The following NRG3 variants were observed in gnomAD, a reference collection of about 807,000 sequenced individuals.
NRG3 encodes the protein neuregulin 3.
A neutral mutation model predicts 66.9 loss-of-function variants in NRG3; 31 were observed. That is an observed-to-expected ratio of 0.46 (90% CI 0.35 to 0.63). NRG3 has a LOEUF of 0.63. NRG3 is among the 20% of genes least tolerant of loss of function. The pLI is 0.00. For missense variants in NRG3, 910 were observed against 878.9 expected, an observed-to-expected ratio of 1.04 and a Z score of -0.45; for synonymous variants, 393 against 359.4, an observed-to-expected ratio of 1.09 and a Z score of -1.06.
At chr10:82,408,633 T>TTATATA (rs147352245) in intron 2 of NRG3, among the ~76,000 whole-genome samples, 425 of 122,808 alleles carry the variant, frequency 3.5e-3, no homozygotes, top group African/African-American at 0.011. Flanking sequence ...CATATATATA[T>TTATATA]TATATATATA....
At chr10:82,252,594 G>T (rs371511261) in intron 1 of NRG3, among the ~76,000 whole-genome samples, 44 of 152,232 alleles carry the variant, frequency 2.9e-4, no homozygotes, top group African/African-American at 9.9e-4. Context: ...TGCTCCTAAT[G>T]ATACTAATAA....
intron 3 of NRG3, among the ~76,000 whole-genome samples, chr10:82,758,497 A>C (rs2059169881): frequency 6.6e-6 from 1 of 152,122 alleles, no homozygotes; most frequent in South Asian, 2.1e-4. Flanking sequence ...TAAAATTATG[A>C]ATAAATGTAT....
Position 82,075,011 on chromosome 10 carries a change from G to A in NRG3, c.823+198848G>A, listed in dbSNP as rs146143231. ...TTTTGTGCTCGGCATCATACTTGGC[G>A]TAGAGTTGGCCTTTGATCATTATCT... On this transcript the variant is annotated intron_variant, in intron 1 of 8. Transcript: ENST00000372141. Among the ~76,000 whole-genome samples the A allele has an allele frequency of 2.0e-3, 298 of 152,280 alleles. 1 individual carries two copies. The highest frequency in any genetic ancestry group is 6.7e-3 in the African/African-American group (278 of 41,550).
chr10:82,643,749 C>T (rs1054744510), intron 2 of NRG3, among the ~76,000 whole-genome samples: 3 of 152,022 alleles, frequency 2.0e-5, no homozygotes, highest in Admixed American at 6.6e-5. Context: ...TTCAAGTACA[C>T]TGTGTATGCT....
intron 1 of NRG3, among the ~76,000 whole-genome samples, chr10:82,246,202 AT>A (rs538914610): frequency 4.6e-5 from 7 of 152,068 alleles, no homozygotes; most frequent in Non-Finnish European, 1.0e-4. Context: ...TAGCTGGTTT[AT>A]TTTAAAAAGA....
intron 1 of NRG3, among the ~76,000 whole-genome samples, chr10:82,117,023 T>C (rs1442950281): frequency 2.0e-5 from 3 of 152,088 alleles, no homozygotes; most frequent in African/African-American, 4.8e-5. Context: ...AGCCCCACAA[T>C]GTACCCCTAC....
At chr10:82,138,730 G>A (rs187496136) in intron 1 of NRG3, among the ~76,000 whole-genome samples, 304 of 152,232 alleles carry the variant, frequency 2.0e-3, no homozygotes, top group African/African-American at 7.1e-3. Context: ...TGGCCCAAGA[G>A]CCCCTGGGAA....
At position 81,875,491 on chromosome 10, in the gene NRG3, G is replaced by A; in HGVS notation, c.151G>A (p.Glu51Lys). The A allele has an allele frequency of 6.4e-7, 1 of 1,550,874 alleles. No individual in the cohort carries two copies. The highest frequency in any genetic ancestry group is 1.2e-5 in the South Asian group (1 of 83,618). Reference protein sequence around the residue: ...GGEGAAEPPRELRCSDCIVWN... With the variant: ...GGEGAAEPPRKLRCSDCIVWN... ...CGAAGGGGCGGCCGAGCCCCCCCGG[G>A]AGTTACGCTGTAGCGACTGCATCGT... Residue 51 changes from glutamate to lysine, a missense_variant, in exon 1 of 9, where the codon GAG (glutamate) becomes AAG (lysine). Transcript: ENST00000372141. This position sits in a 1 kb window ranked among gnomAD's most constrained non-coding sequence, Gnocchi z 5.3.
chr10:82,756,942 A>G (rs748918938), intron 3 of NRG3, among the ~76,000 whole-genome samples: 8 of 151,852 alleles, frequency 5.3e-5, no homozygotes, highest in Non-Finnish European at 5.9e-5. Flanking sequence ...GGTGATTTTT[A>G]TCTAGGTGAA....
At chr10:82,008,511 T>A (rs2132610309) in intron 1 of NRG3, among the ~76,000 whole-genome samples, 1 of 152,326 alleles carries the variant, frequency 6.6e-6, no homozygotes, top group Middle Eastern at 3.4e-3. Context: ...ATTTAATATA[T>A]CACTCTGAAT....
chr10:82,917,168 G>C (rs1272847071), intron 4 of NRG3, among the ~76,000 whole-genome samples: 1 of 152,148 alleles, frequency 6.6e-6, no homozygotes, highest in Non-Finnish European at 1.5e-5. Context: ...ATTAAACAGG[G>C]TCCTAATATT....
chr10:82,894,500 A>G (rs1457117709), intron 4 of NRG3, among the ~76,000 whole-genome samples: 1 of 152,158 alleles, frequency 6.6e-6, no homozygotes, highest in African/African-American at 2.4e-5. Flanking sequence ...TTTCTTTGTC[A>G]TCCGTAATAC....
rs1318235305 is a variant in NRG3 at position 82,454,216 on chromosome 10, T to A, written c.953+95348T>A. ...GTGGAGCCACAACTGCCCCACACCC[T>A]CTGAGATATGGCTCTCCCAGAACCT... is the stretch of plus-strand genomic sequence containing the variant. On this transcript the variant is annotated intron_variant, in intron 2 of 8. Transcript: ENST00000372141. 6.6e-5 allele frequency among the ~76,000 whole-genome samples: 10 copies of A among 152,320 alleles called. No homozygotes were observed. The East Asian group carries it at 1.9e-3, about 29-fold the overall frequency.
At chr10:82,865,556 T>C (rs1591770596) in intron 4 of NRG3, 119 bp downstream of exon 4, 2 of 979,586 alleles carry the variant, frequency 2.0e-6, no homozygotes, top group South Asian at 1.9e-5. Context: ...ATGCTATTAG[T>C]AGGAAAAAAT....
intron 4 of NRG3, among the ~76,000 whole-genome samples, chr10:82,900,673 G>A (rs1266381597): frequency 6.6e-6 from 1 of 152,046 alleles, no homozygotes; most frequent in Non-Finnish European, 1.5e-5. Context: ...GGCCTTATAG[G>A]GTTGGTATAA....
chr10:82,149,987 C>T (rs747809636), intron 1 of NRG3, among the ~76,000 whole-genome samples: 2 of 152,212 alleles, frequency 1.3e-5, no homozygotes, highest in African/African-American at 4.8e-5. Context: ...GGAATCCCGA[C>T]GAGATGGAAC....
intron 5 of NRG3, among the ~76,000 whole-genome samples, chr10:82,952,453 G>T (rs1337740177): frequency 9.0e-6 from 1 of 111,536 alleles, no homozygotes; most frequent in Non-Finnish European, 1.7e-5. Flanking sequence ...AGATATAAAC[G>T]TCTCTCTCTC....
chr10:82,931,277 A>G (rs1228625753), intron 4 of NRG3, among the ~76,000 whole-genome samples: 1 of 152,196 alleles, frequency 6.6e-6, no homozygotes, highest in African/African-American at 2.4e-5. Flanking sequence ...TCCTTTATTG[A>G]TAAAATAAAT....
chr10:82,196,330 T>G (rs1474752063), intron 1 of NRG3, among the ~76,000 whole-genome samples: 2 of 152,188 alleles, frequency 1.3e-5, no homozygotes, highest in Non-Finnish European at 2.9e-5. Flanking sequence ...TAGAAGGAGA[T>G]GTAAGTAAGA....
Sources: gnomAD v4.1 joint callset for allele counts (sites outside exome capture counted in the v4.1 genomes callset) on GRCh38, gnomAD v4.1.1 for gene constraint, Gnocchi (gnomAD v3.1) non-coding constraint, MANE v1.5 for transcripts, NCBI Gene and HGNC (gene_info 2026-07-23, HGNC 2026-07-21) for gene names.